The following KCND2 variants were observed in gnomAD, a reference collection of about 807,000 sequenced individuals.
The protein encoded by KCND2 is A-type voltage-gated potassium channel KCND2.
In KCND2, 16 loss-of-function variants were observed where a neutral mutation model predicts 54.4. That is an observed-to-expected ratio of 0.29 (90% CI 0.20 to 0.45). The LOEUF (loss-of-function observed/expected upper bound fraction) is 0.45. Among genes scored for constraint, KCND2 ranks in the 20% least tolerant of loss-of-function variants. The pLI, the probability that KCND2 is intolerant of heterozygous loss-of-function variation, is 1.00. For synonymous variants in KCND2, 317 were observed against 310.7 expected (o/e 1.02, Z -0.21); for missense variants, 486 against 824.2 (o/e 0.59, Z 5.02).
chr7:120,280,535 T>C (rs1799245086), intron 1 of KCND2, among the ~76,000 whole-genome samples: 1 of 152,106 alleles, frequency 6.6e-6, no homozygotes, highest in Non-Finnish European at 1.5e-5. Flanking sequence ...TGTCTTATTT[T>C]ATTTTTATAT....
intron 1 of KCND2, chr7:120,464,022 T>A (rs1861063): frequency 1.0e-6 from 1 of 965,854 alleles, no homozygotes; most frequent in African/African-American, 1.8e-5. Flanking sequence ...GTTTTGTTTT[T>A]TTTTTTTTTT....
chr7:120,395,993 T>G (rs1801150360), intron 1 of KCND2, among the ~76,000 whole-genome samples: 1 of 152,078 alleles, frequency 6.6e-6, no homozygotes, highest in South Asian at 2.1e-4. Flanking sequence ...GACTACATTT[T>G]GTGTTCTCTT....
At chr7:120,349,854 T>C (rs1376352854) in intron 1 of KCND2, among the ~76,000 whole-genome samples, 1 of 152,182 alleles carries the variant, frequency 6.6e-6, no homozygotes, top group Non-Finnish European at 1.5e-5. Context: ...TTTAGTCCAC[T>C]GCAGATGTAA....
chr7:120,620,341 T>C (rs1793082778), intron 1 of KCND2, among the ~76,000 whole-genome samples: 1 of 152,156 alleles, frequency 6.6e-6, no homozygotes, highest in South Asian at 2.1e-4. Flanking sequence ...TCAGAGTAAA[T>C]GTTGAAGGTG....
chr7:120,466,730 T>A (rs1802375469), intron 1 of KCND2, among the ~76,000 whole-genome samples: 1 of 152,180 alleles, frequency 6.6e-6, no homozygotes, highest in African/African-American at 2.4e-5. Context: ...ACTTAGTGCT[T>A]AAAACACAAA....
chr7:120,556,371 G>T (rs985068740), intron 1 of KCND2, among the ~76,000 whole-genome samples: 86 of 152,166 alleles, frequency 5.7e-4, no homozygotes, highest in African/African-American at 2.0e-3. Context: ...AGATTAAGGT[G>T]ACCCAGCCAT....
intron 1 of KCND2, among the ~76,000 whole-genome samples, chr7:120,589,242 G>C (rs115958678): frequency 1.3e-3 from 197 of 152,254 alleles, no homozygotes; most frequent in African/African-American, 4.4e-3. Context: ...GAATAAATGT[G>C]TACTAGGATA....
intron 1 of KCND2, among the ~76,000 whole-genome samples, chr7:120,356,651 A>G (rs1584744982): frequency 6.6e-6 from 1 of 152,278 alleles, no homozygotes; most frequent in South Asian, 2.1e-4. Flanking sequence ...AAGAAATAAC[A>G]TAGTAAAATG....
At chr7:120,318,526 T>C (rs1390664086) in intron 1 of KCND2, among the ~76,000 whole-genome samples, 1 of 152,114 alleles carries the variant, frequency 6.6e-6, no homozygotes, top group Admixed American at 6.5e-5. Context: ...CACTTATGTG[T>C]TTGGCAACAT....
chr7:120,742,553 G>C lies in KCND2; in HGVS notation c.1418G>C (p.Ser473Thr), dbSNP rs140087318. 2.9e-5 allele frequency: 46 copies of C among 1,613,626 alleles called. No individual in the cohort carries two copies. In the African/African-American group the frequency reaches 5.3e-4, roughly 19 times the overall value. Residue 473 changes from serine (S) to threonine (T), a missense_variant, in exon 4 of 6, where the codon AGC becomes ACC. Ser to Thr is a moderately conservative substitution (Grantham distance 58). Coordinates refer to ENST00000331113, the MANE Select transcript of KCND2 (RefSeq NM_012281.3). ...GCTTTTGTTAGCAAATCCGGCTCCA[G>C]CTTTGAAACCCAGCACCACCACCTG... is the stretch of plus-strand genomic sequence containing the variant. The part of the protein sequence containing the change: ...EQAFVSKSGS[S>T]FETQHHHLLH...
intron 1 of KCND2, among the ~76,000 whole-genome samples, chr7:120,311,816 C>G (rs2116315169): frequency 6.6e-6 from 1 of 152,218 alleles, no homozygotes; most frequent in Middle Eastern, 3.4e-3. Flanking sequence ...TGAGAACATG[C>G]TGTATTTGTT....
chr7:120,320,888 G>A (rs1406341191), intron 1 of KCND2, among the ~76,000 whole-genome samples: 1 of 152,098 alleles, frequency 6.6e-6, no homozygotes, highest in Non-Finnish European at 1.5e-5. Context: ...TTCACTGGGG[G>A]TATATTAAGG....
intron 1 of KCND2, among the ~76,000 whole-genome samples, chr7:120,479,702 G>T (rs966270094): frequency 8.0e-5 from 12 of 149,794 alleles, no homozygotes; most frequent in African/African-American, 2.7e-4. Flanking sequence ...GCCAAGATGG[G>T]CTGATCACTT....
At position 120,685,341 on chromosome 7, in the gene KCND2, C is replaced by T. The variant is rs541371190; in HGVS notation, c.1116-47562C>T. On this transcript the variant is annotated intron_variant, in intron 1 of 5. Transcript: ENST00000331113. ...CATATAGTCTCTGAAGATTCTTCAG[C>T]GTCATTAGAATTTTGAGGGCTAACA... is the stretch of plus-strand genomic sequence containing the variant. 9.9e-5 allele frequency among the ~76,000 whole-genome samples: 15 copies of T among 152,264 alleles called. No individual in the cohort carries two copies. The South Asian group carries it at 3.1e-3, about 32-fold the overall frequency.
Position 120,526,060 on chromosome 7 carries a change from G to T in KCND2, c.1116-206843G>T, listed in dbSNP as rs768073016. Reference sequence around the variant, plus strand: ...CACACTCGCCAAAACTTTTCCCACAGTATAACATAAGTCACTCCCTTTTAT... The same window carrying T: ...CACACTCGCCAAAACTTTTCCCACATTATAACATAAGTCACTCCCTTTTAT... On this transcript the variant is annotated intron_variant, in intron 1 of 5. Transcript: ENST00000331113. Among the ~76,000 whole-genome samples the T allele has an allele frequency of 3.3e-5, 5 of 152,188 alleles. No homozygotes were observed. The South Asian group carries it at 6.2e-4, about 19-fold the overall frequency.
chr7:120,494,134 A>G (rs1333159886), intron 1 of KCND2, among the ~76,000 whole-genome samples: 2 of 152,178 alleles, frequency 1.3e-5, no homozygotes, highest in African/African-American at 4.8e-5. Flanking sequence ...AAGCAATAAA[A>G]TAATAAGTAA....
chr7:120,358,199 G>T (rs1461385789), intron 1 of KCND2, among the ~76,000 whole-genome samples: 2 of 152,150 alleles, frequency 1.3e-5, no homozygotes, highest in African/African-American at 2.4e-5. Flanking sequence ...AATTAGCAAG[G>T]TGTGTATAAC....
chr7:120,643,181 A>G (rs1254324246), intron 1 of KCND2, among the ~76,000 whole-genome samples: 1 of 152,202 alleles, frequency 6.6e-6, no homozygotes, highest in African/African-American at 2.4e-5. Flanking sequence ...ACATATAAGT[A>G]TTTATTTGTG....
intron 1 of KCND2, among the ~76,000 whole-genome samples, chr7:120,397,991 GTGTGTATATATA>G (rs1166463110): frequency 4.8e-4 from 18 of 37,842 alleles, no homozygotes; most frequent in African/African-American, 1.2e-3. Context: ...GTGTGTGTGT[GTGTGTATATATA>G]TATATATATA....
Sources: gnomAD v4.1 joint callset for allele counts (sites outside exome capture counted in the v4.1 genomes callset) on GRCh38, gnomAD v4.1.1 for gene constraint, MANE v1.5 for transcripts, NCBI Gene and HGNC (gene_info 2026-07-23, HGNC 2026-07-21) for gene names.